Variants in NEGR1 observed in about 807,000 individuals in gnomAD.
NEGR1 encodes IgLON family member 4.
Under a neutral mutation model 40.9 loss-of-function variants are expected in NEGR1, and 10 were observed. The observed-to-expected ratio is 0.24, with a 90% CI of 0.15 to 0.42. The LOEUF is 0.42. Among genes scored for constraint, NEGR1 ranks in the 10% least tolerant of loss-of-function variants. NEGR1 has a pLI of 1.00. For missense variants in NEGR1, 352 were observed against 438.9 expected (o/e 0.80, Z 1.77); for synonymous variants, 185 against 166.8 (o/e 1.11, Z -0.84).
intron 3 of NEGR1, among the ~76,000 whole-genome samples, chr1:71,729,500 C>A (rs1444621368): frequency 6.6e-6 from 1 of 152,040 alleles, no homozygotes; most frequent in Admixed American, 6.6e-5. Flanking sequence ...CTATTTGTAT[C>A]CCATGCTTTG....
In NEGR1 at chr1:71,920,661, C is replaced by A. The variant is rs533249317; in HGVS notation, c.409+14418G>T. On this transcript the variant is annotated intron_variant, in intron 2 of 6. Transcript: ENST00000357731. ...CCAACACTTACAACAATGCTTAGCA[C>A]GAAGCAAATGCTCAAAGGATGTGGC... Among the ~76,000 whole-genome samples the A allele has an allele frequency of 2.0e-5, 3 of 152,276 alleles. No individual in the cohort carries two copies. In the South Asian group the frequency reaches 6.2e-4, roughly 32 times the overall value.
intron 1 of NEGR1, among the ~76,000 whole-genome samples, chr1:72,162,147 A>T (rs904046260): frequency 6.6e-6 from 1 of 152,086 alleles, no homozygotes; most frequent in African/African-American, 2.4e-5. Flanking sequence ...GTGCACAAGA[A>T]AATGACATAA....
intron 1 of NEGR1, among the ~76,000 whole-genome samples, chr1:71,959,486 C>T (rs543550965): frequency 3.2e-4 from 49 of 151,978 alleles, no homozygotes; most frequent in Non-Finnish European, 6.6e-4. Flanking sequence ...AAATGGGTTA[C>T]GTTAGTTCTT....
In NEGR1 at chr1:71,406,390, T is replaced by C. The variant is rs530807290; in HGVS notation, c.*1056A>G. The C allele has an allele frequency of 7.2e-5, 11 of 152,016 alleles. No homozygotes were observed. The highest frequency in any genetic ancestry group is 2.2e-4 in the African/African-American group (9 of 41,536). The allele number at this position is 152,016 out of a possible 1,614,324, so 9.4% of individuals were successfully genotyped here. A position where few individuals can be genotyped will look rare whatever the true frequency, so the allele number is the denominator to read the frequency against. On this transcript the variant is annotated 3_prime_UTR_variant, in exon 7 of 7. Coordinates refer to ENST00000357731, the MANE Select transcript of NEGR1 (RefSeq NM_173808.3). ...ACAAAATAAAATTAATGATGAGCGC[T>C]TACCAACTCTTGTAATATTAGGTGA...
At chr1:71,599,625 C>A (rs1282539043) in intron 5 of NEGR1, among the ~76,000 whole-genome samples, 6 of 151,988 alleles carry the variant, frequency 3.9e-5, no homozygotes, top group Admixed American at 3.9e-4. Context: ...CTGTCTTAGC[C>A]CCAAGGGGTA....
chr1:71,991,633 A>G (rs1312525613), intron 1 of NEGR1, among the ~76,000 whole-genome samples: 1 of 152,042 alleles, frequency 6.6e-6, no homozygotes, highest in Non-Finnish European at 1.5e-5. Flanking sequence ...ACACTTCTCT[A>G]TACTCTAACT....
intron 1 of NEGR1, among the ~76,000 whole-genome samples, chr1:72,128,150 A>G (rs184506370): frequency 3.3e-5 from 5 of 152,300 alleles, no homozygotes; most frequent in Non-Finnish European, 5.9e-5. Context: ...AAAGCATGAA[A>G]TATTTCCCAT....
At chr1:72,195,466 A>AT (rs887498088) in intron 1 of NEGR1, among the ~76,000 whole-genome samples, 5 of 151,958 alleles carry the variant, frequency 3.3e-5, no homozygotes, top group Admixed American at 1.3e-4. Flanking sequence ...AATAATTCAG[A>AT]TTTTTTTCTT....
chr1:71,687,596 T>A (rs187474031), intron 4 of NEGR1, among the ~76,000 whole-genome samples: 1 of 152,328 alleles, frequency 6.6e-6, no homozygotes, highest in African/African-American at 2.4e-5. Flanking sequence ...TTATTGTAAT[T>A]GTTTTCTCTA....
intron 4 of NEGR1, among the ~76,000 whole-genome samples, chr1:71,659,038 C>T (rs1037767545): frequency 1.3e-5 from 2 of 152,072 alleles, no homozygotes; most frequent in African/African-American, 4.8e-5. Context: ...TTGGAGGAAG[C>T]GGACCTCATG....
intron 1 of NEGR1, among the ~76,000 whole-genome samples, chr1:72,136,442 T>C (rs774756966): frequency 4.0e-5 from 6 of 151,648 alleles, no homozygotes; most frequent in Admixed American, 2.0e-4. Flanking sequence ...AATGAAAAAG[T>C]ATAAATGAGC....
At chr1:71,800,682 A>C (rs1037650527) in intron 2 of NEGR1, among the ~76,000 whole-genome samples, 3 of 151,996 alleles carry the variant, frequency 2.0e-5, no homozygotes, top group Non-Finnish European at 4.4e-5. Context: ...TTAAGAGAGG[A>C]CTGTGTTCCC....
chr1:71,748,844 T>C (rs913839108), intron 3 of NEGR1, among the ~76,000 whole-genome samples: 3 of 152,142 alleles, frequency 2.0e-5, no homozygotes, highest in African/African-American at 4.8e-5. Flanking sequence ...TAAAGGACTG[T>C]AATATGTTTC....
intron 1 of NEGR1, among the ~76,000 whole-genome samples, chr1:71,990,689 G>C (rs533016840): frequency 6.6e-6 from 1 of 151,916 alleles, no homozygotes; most frequent in South Asian, 2.1e-4. Context: ...CTACCAAAGC[G>C]ACAGATTACA....
chr1:71,505,736 T>A (rs950489066), intron 6 of NEGR1, among the ~76,000 whole-genome samples: 1 of 152,176 alleles, frequency 6.6e-6, no homozygotes, highest in Non-Finnish European at 1.5e-5. Context: ...AAAACAACAG[T>A]ACCGCTGGAC....
intron 2 of NEGR1, among the ~76,000 whole-genome samples, chr1:71,817,594 G>A (rs976012744): frequency 6.6e-6 from 1 of 151,980 alleles, no homozygotes; most frequent in Non-Finnish European, 1.5e-5. Context: ...AGTTTTTGGA[G>A]CTAGATTATT....
At chr1:71,513,518 C>T (rs1033570799) in intron 6 of NEGR1, among the ~76,000 whole-genome samples, 3 of 152,208 alleles carry the variant, frequency 2.0e-5, no homozygotes, top group African/African-American at 4.8e-5. Flanking sequence ...GGTGGATCAA[C>T]ATCTTTCTCC....
intron 2 of NEGR1, among the ~76,000 whole-genome samples, chr1:71,931,070 C>A (rs537140577): frequency 2.6e-5 from 4 of 152,228 alleles, no homozygotes; most frequent in African/African-American, 7.2e-5. Context: ...GAGAAATAAG[C>A]CCACCCTTGA....
In NEGR1 at chr1:71,978,171, G is replaced by C. The variant is rs533595355; in HGVS notation, c.177-42860C>G. Among the ~76,000 whole-genome samples, 3 of 152,246 alleles carry C rather than the reference G, an allele frequency of 2.0e-5. No individual in the cohort carries two copies. In the South Asian group the frequency reaches 6.2e-4, roughly 32 times the overall value. The stretch of plus-strand genomic sequence containing the variant: ...CAGCCTTTATAGTGGTGGGAGAGAT[G>C]CAGGCCATGCTAACCCCATCAGTTA... On this transcript the variant is annotated intron_variant, in intron 1 of 6. Transcript: ENST00000357731.
Sources: allele counts gnomAD v4.1 joint callset (sites outside exome capture counted in the v4.1 genomes callset), GRCh38; gene constraint gnomAD v4.1.1; transcripts MANE v1.5; gene names NCBI Gene and HGNC (gene_info 2026-07-23, HGNC 2026-07-21).